EVL: variants seen among roughly 807,000 people sequenced by gnomAD.
EVL encodes the protein Enah/Vasp-like, also known as ena/VASP-like protein.
EVL carries 21 observed loss-of-function variants against 59.6 expected under a neutral mutation model. The observed-to-expected ratio is 0.35, with a 90% CI of 0.25 to 0.51. The LOEUF is 0.51. EVL is among the 20% of genes least tolerant of loss of function. EVL has a pLI of 0.97. For synonymous variants in EVL, 198 were observed against 203.5 expected, an observed-to-expected ratio of 0.97 and a Z score of 0.23; for missense variants, 462 against 546.6, an observed-to-expected ratio of 0.85 and a Z score of 1.54.
At chr14:99,995,576 AT>A (rs2060907859) in intron 1 of EVL, among the ~76,000 whole-genome samples, 1 of 151,920 alleles carries the variant, frequency 6.6e-6, no homozygotes, top group Non-Finnish European at 1.5e-5. Flanking sequence ...TTCTTTGGTA[AT>A]TCATATAAAT....
At chr14:99,974,380 A>G (rs1219729712) in intron 1 of EVL, 1 of 152,484 alleles carries the variant, frequency 6.6e-6, no homozygotes, top group African/African-American at 2.4e-5. Flanking sequence ...GACTCTGGTC[A>G]GTGAATTCCT....
At chr14:100,059,370 G>T (rs1305579516) in intron 1 of EVL, among the ~76,000 whole-genome samples, 1 of 152,220 alleles carries the variant, frequency 6.6e-6, no homozygotes, top group Non-Finnish European at 1.5e-5. Flanking sequence ...AGCTCAGTGG[G>T]CAGAAATTAG....
At chr14:100,034,850 A>G (rs777358418) in intron 1 of EVL, among the ~76,000 whole-genome samples, 3 of 152,178 alleles carry the variant, frequency 2.0e-5, no homozygotes, top group Non-Finnish European at 4.4e-5. Context: ...GGCAAATTAT[A>G]TATTCGTTTT....
intron 1 of EVL, among the ~76,000 whole-genome samples, chr14:100,015,594 T>G (rs985994566): frequency 6.6e-6 from 1 of 152,162 alleles, no homozygotes; most frequent in East Asian, 1.9e-4. Flanking sequence ...CACAGATCAT[T>G]AGCGCCGGCA....
intron 1 of EVL, among the ~76,000 whole-genome samples, chr14:100,046,653 C>T (rs1414450691): frequency 3.4e-5 from 5 of 146,614 alleles, no homozygotes; most frequent in African/African-American, 7.5e-5. Flanking sequence ...GGCGACAGAG[C>T]GAGACCTTCC....
intron 1 of EVL, among the ~76,000 whole-genome samples, chr14:100,057,499 G>GT (rs569186758): frequency 2.4e-4 from 35 of 148,400 alleles, no homozygotes; most frequent in South Asian, 4.3e-4. Flanking sequence ...TTTGGAGTTT[G>GT]TTTTTTTTTT....
chr14:100,016,900 G>A (rs2140197174), intron 1 of EVL, among the ~76,000 whole-genome samples: 1 of 152,272 alleles, frequency 6.6e-6, no homozygotes, highest in East Asian at 1.9e-4. Flanking sequence ...GGATTCACCT[G>A]GCCAGCTACA....
intron 4 of EVL, among the ~76,000 whole-genome samples, chr14:100,124,947 C>T (rs890855987): frequency 3.3e-5 from 5 of 152,004 alleles, no homozygotes; most frequent in Non-Finnish European, 7.4e-5. Context: ...TGCCCCCAGA[C>T]GAGACCACGT....
intron 1 of EVL, among the ~76,000 whole-genome samples, chr14:100,044,487 C>A (rs1469434438): frequency 1.3e-5 from 2 of 152,122 alleles, no homozygotes; most frequent in Non-Finnish European, 2.9e-5. Flanking sequence ...TATAGGAGAG[C>A]AAACATAATT....
At chr14:99,976,268 T>C (rs1422711868) in intron 1 of EVL, among the ~76,000 whole-genome samples, 1 of 151,932 alleles carries the variant, frequency 6.6e-6, no homozygotes, top group African/African-American at 2.4e-5. Flanking sequence ...TCTCAAACTC[T>C]TGGCCTCCAG....
chr14:100,048,348 C>G (rs890133137), intron 1 of EVL, among the ~76,000 whole-genome samples: 1 of 152,156 alleles, frequency 6.6e-6, no homozygotes, highest in Non-Finnish European at 1.5e-5. Context: ...ACAGACACTT[C>G]ACCAAAGAGG....
chr14:100,086,890 A>G (rs1023104561), intron 2 of EVL, among the ~76,000 whole-genome samples: 1 of 152,222 alleles, frequency 6.6e-6, no homozygotes, highest in Non-Finnish European at 1.5e-5. Context: ...TAGAAAAGAG[A>G]TTCTTGGTAA....
intron 1 of EVL, among the ~76,000 whole-genome samples, chr14:100,078,318 G>A (rs2062211355): frequency 6.6e-6 from 1 of 152,176 alleles, no homozygotes; most frequent in Non-Finnish European, 1.5e-5. Context: ...AAGGAAACCT[G>A]TGAAGGAGGC....
intron 1 of EVL, among the ~76,000 whole-genome samples, chr14:99,997,759 C>T (rs1030584893): frequency 3.0e-4 from 45 of 152,270 alleles, no homozygotes; most frequent in African/African-American, 9.4e-4. Flanking sequence ...AACTCTGTTC[C>T]CTGATGTCAA....
chr14:100,122,170 C>T (rs888414809), intron 3 of EVL, among the ~76,000 whole-genome samples: 8 of 152,214 alleles, frequency 5.3e-5, no homozygotes, highest in Admixed American at 4.6e-4. Flanking sequence ...GCCCACAGCA[C>T]CTTGCACACC....
intron 1 of EVL, among the ~76,000 whole-genome samples, chr14:100,078,428 G>A (rs953832437): frequency 1.3e-5 from 2 of 152,186 alleles, no homozygotes. Flanking sequence ...GCAGTGCCTG[G>A]CTCACTAATG....
chr14:99,984,971 G>A (rs117186872), intron 1 of EVL, among the ~76,000 whole-genome samples: 3,281 of 151,884 alleles, frequency 0.022, 60 homozygotes, highest in Admixed American at 0.055. Flanking sequence ...GTTTTTACCC[G>A]GTATCCTTTT....
chr14:100,014,433 T>A (rs1674293454), intron 1 of EVL, among the ~76,000 whole-genome samples: 1 of 152,258 alleles, frequency 6.6e-6, no homozygotes, highest in Non-Finnish European at 1.5e-5. Flanking sequence ...TGACCTCCAG[T>A]CCATCCATGT....
At chr14:100,095,389 C>A (rs914858715) in intron 2 of EVL, among the ~76,000 whole-genome samples, 1 of 152,222 alleles carries the variant, frequency 6.6e-6, no homozygotes. Context: ...TTCTTCTCTT[C>A]CCTCATGCTG....
Sources: gnomAD v4.1 joint callset for allele counts (sites outside exome capture counted in the v4.1 genomes callset) on GRCh38, gnomAD v4.1.1 for gene constraint, MANE v1.5 for transcripts, NCBI Gene and HGNC (gene_info 2026-07-23, HGNC 2026-07-21) for gene names.